METTL21C: variants seen among roughly 807,000 people sequenced by gnomAD.
The protein encoded by METTL21C is methyltransferase 21C, AARS1 lysine.
Under a neutral mutation model 25.9 loss-of-function variants are expected in METTL21C, and 21 were observed. That is an observed-to-expected ratio of 0.81 (90% confidence interval 0.58 to 1.17). The LOEUF (loss-of-function observed/expected upper bound fraction) is 1.17. Among genes scored for constraint, METTL21C ranks in the 50% most tolerant of loss-of-function variants. The pLI, the probability that METTL21C is intolerant of heterozygous loss-of-function variation, is 0.00. For missense variants in METTL21C, 312 were observed against 315.1 expected, an observed-to-expected ratio of 0.99 and a Z score of 0.07; for synonymous variants, 125 against 124.7, an observed-to-expected ratio of 1.00 and a Z score of -0.01.
intron 1 of METTL21C, among the ~76,000 whole-genome samples, chr13:102,693,641 C>T (rs183634557): frequency 3.3e-5 from 5 of 152,190 alleles, no homozygotes; most frequent in African/African-American, 7.2e-5. Context: ...TAGACATACA[C>T]GTATTCTCTC....
At chr13:102,697,318 A>G (rs1036400640), upstream of METTL21C, among the ~76,000 whole-genome samples, 2 of 151,864 alleles carry the variant, frequency 1.3e-5, no homozygotes, top group Non-Finnish European at 2.9e-5. Context: ...ACATTCAGCA[A>G]TTTGGGGGAG....
Position 102,686,365 on chromosome 13 carries a change from A to G in METTL21C, c.461T>C (p.Leu154Ser). The change falls in exon 4 of 4, where the codon TTA becomes TCA. Residue 154 changes from leucine (L) to serine (S), a missense_variant. Physicochemically the swap from Leu to Ser is moderately radical, Grantham distance 145. Transcript: ENST00000267273. ...TGCTGTACATTGTAGTGTGTTTTTT[A>G]AAAGATTGTATTGAAGGTTTCCCAG... Reference protein sequence around the residue: ...DVLGNLQYNLLKNTLQCTAHL... With the variant: ...DVLGNLQYNLSKNTLQCTAHL... 6.2e-7 allele frequency: 1 copy of G among 1,614,120 alleles called. No homozygotes were observed. Among genetic ancestry groups the G allele is most frequent in the Non-Finnish European group, 8.5e-7 (1 of 1,180,006 alleles).
intron 2 of METTL21C, among the ~76,000 whole-genome samples, chr13:102,690,377 T>A (rs1363362133): frequency 6.7e-6 from 1 of 149,576 alleles, no homozygotes; most frequent in Non-Finnish European, 1.5e-5. Flanking sequence ...GCCAAGATCG[T>A]GTCACTGCAC....
chr13:102,699,079 C>T (rs754966103), upstream of METTL21C, among the ~76,000 whole-genome samples: 24 of 152,154 alleles, frequency 1.6e-4, no homozygotes, highest in Non-Finnish European at 2.9e-4. Context: ...AGCCTTGCAC[C>T]AAACCACGAA....
chr13:102,701,541 C>T, the METTL21C span, among the ~76,000 whole-genome samples: 2 of 152,086 alleles, frequency 1.3e-5, no homozygotes, highest in Non-Finnish European at 2.9e-5. Context: ...CCAAGACAAA[C>T]GTTTAGGGGA....
chr13:102,694,423 C>T lies in METTL21C; in HGVS notation c.76G>A (p.Glu26Lys), dbSNP rs1195624827. The change falls in exon 1 of 4, where the codon GAG (glutamate) becomes AAG (lysine). Residue 26 changes from glutamate (E) to lysine (K), a missense_variant. Physicochemically the swap from Glu to Lys is moderately conservative, Grantham distance 56. Transcript: ENST00000267273. Reference sequence around the variant, plus strand: ...TGCGGAGCCCCCTTCTTCTCAGCCTCTAACCAGCCACCCGGGGAGCTGAGT... The same window carrying T: ...TGCGGAGCCCCCTTCTTCTCAGCCTTTAACCAGCCACCCGGGGAGCTGAGT... ...EGLSSPGGWLEAEKKGAPQKD... is the reference protein window; with the variant it reads ...EGLSSPGGWLKAEKKGAPQKD... The T allele has an allele frequency of 2.7e-6, 4 of 1,472,580 alleles. No homozygotes were observed. The highest frequency in any genetic ancestry group is 1.2e-5 in the South Asian group (1 of 86,714). 91.2% of individuals were successfully genotyped at this position (1,472,580 alleles called of 1,614,324 possible). A position where few individuals can be genotyped will look rare whatever the true frequency, so the allele number is the denominator to read the frequency against.
chr13:102,691,064 T>A, intron 1 of METTL21C, 100 bp from the exon 2 acceptor site: 2 of 1,340,534 alleles, frequency 1.5e-6, no homozygotes, highest in Non-Finnish European at 2.1e-6. Context: ...TTGAATGACC[T>A]TTACATAAAG....
chr13:102,690,402 CAG>C (rs1381350098), intron 2 of METTL21C, among the ~76,000 whole-genome samples: 1 of 144,818 alleles, frequency 6.9e-6, no homozygotes, highest in Non-Finnish European at 1.5e-5. Context: ...GCCTGGGTAA[CAG>C]AGTGAGACTC....
intron 2 of METTL21C, among the ~76,000 whole-genome samples, chr13:102,688,784 C>T (rs1168129173): frequency 1.3e-5 from 2 of 152,074 alleles, no homozygotes; most frequent in Non-Finnish European, 2.9e-5. Flanking sequence ...GGTGCCCTGC[C>T]CTGTGAGGGG....
At chr13:102,688,601 G>A (rs1312705943) in intron 2 of METTL21C, among the ~76,000 whole-genome samples, 2 of 152,202 alleles carry the variant, frequency 1.3e-5, no homozygotes, top group African/African-American at 2.4e-5. Context: ...GAGCTCCAGA[G>A]CTTAGAAGGG....
At chr13:102,692,667 G>T (rs533672040) in intron 1 of METTL21C, among the ~76,000 whole-genome samples, 4 of 152,138 alleles carry the variant, frequency 2.6e-5, no homozygotes, top group African/African-American at 9.7e-5. Flanking sequence ...CTTTGATTTA[G>T]TATGTTCTAC....
intron 3 of METTL21C, 89 bp downstream of exon 3, chr13:102,686,851 A>G: frequency 2.9e-6 from 3 of 1,030,426 alleles, no homozygotes. Context: ...AGGGCCAGGC[A>G]CCTAAACCAC....
chr13:102,696,983 C>T (rs1055117129), upstream of METTL21C, among the ~76,000 whole-genome samples: 3 of 152,080 alleles, frequency 2.0e-5, no homozygotes, highest in African/African-American at 7.2e-5. Context: ...GAAGTGCAGC[C>T]GGTGAAAAGG....
chr13:102,690,871 C>G lies in METTL21C; in HGVS notation c.224G>C (p.Gly75Ala), dbSNP rs1885812288. Residue 75 changes from glycine to alanine, a missense_variant, in exon 2 of 4, where the codon GGA (glycine) becomes GCA (alanine). Gly to Ala is a moderately conservative substitution (Grantham distance 60). Coordinates refer to ENST00000267273, the MANE Select transcript of METTL21C (RefSeq NM_001010977.3). The part of the protein sequence containing the change: ...SYTQEHYRFA[G>A]KEIVIQESIE... ...GGATTCCTGGATGACAATCTCCTTT[C>G]CTGCAAACCGATAATGCTCCTGAGT... 1 of 1,614,054 alleles carries G rather than the reference C, an allele frequency of 6.2e-7. No individual in the cohort carries two copies.
At chr13:102,700,502 A>G in the METTL21C span, among the ~76,000 whole-genome samples, 1 of 152,336 alleles carries the variant, frequency 6.6e-6, no homozygotes, top group African/African-American at 2.4e-5. Flanking sequence ...CATGTTATCA[A>G]AATAGCCAAG....
upstream of METTL21C, among the ~76,000 whole-genome samples, chr13:102,696,882 C>T (rs1423909683): frequency 4.6e-5 from 7 of 152,012 alleles, no homozygotes; most frequent in South Asian, 2.1e-4. Flanking sequence ...CAAGCAGCCA[C>T]GGGAAGACTC....
At position 102,694,577 on chromosome 13, in the gene METTL21C, C is replaced by A; in HGVS notation, c.-79G>T. The A allele has an allele frequency of 5.5e-6, 1 of 182,076 alleles. No individual in the cohort carries two copies. Among genetic ancestry groups the A allele is most frequent in the Non-Finnish European group, 6.1e-6 (1 of 164,636 alleles). The allele number at this position is 182,076 out of a possible 1,614,324, so 11.3% of individuals were successfully genotyped here. On this transcript the variant is annotated 5_prime_UTR_variant, in exon 1 of 4. Transcript: ENST00000267273. The stretch of plus-strand genomic sequence containing the variant: ...ACTATAATCTACTGACTGACTGTTA[C>A]TAGTTCAGCACATCTATGATCTACA...
upstream of METTL21C, among the ~76,000 whole-genome samples, chr13:102,699,180 G>C (rs1475600185): frequency 3.9e-5 from 6 of 152,130 alleles, no homozygotes; most frequent in Non-Finnish European, 7.3e-5. Flanking sequence ...TTCTCACCCA[G>C]TGCATACATA....
At chr13:102,691,276 T>G (rs1885824601) in intron 1 of METTL21C, among the ~76,000 whole-genome samples, 1 of 151,886 alleles carries the variant, frequency 6.6e-6, no homozygotes, top group Non-Finnish European at 1.5e-5. Context: ...GATGGAAAAA[T>G]GGCGAACTTA....
Sources: gnomAD v4.1 joint callset for allele counts (sites outside exome capture counted in the v4.1 genomes callset) on GRCh38, gnomAD v4.1.1 for gene constraint, MANE v1.5 for transcripts, NCBI Gene and HGNC (gene_info 2026-07-23, HGNC 2026-07-21) for gene names.